MAGIX: variants seen among roughly 807,000 people sequenced by gnomAD.
MAGIX encodes PDZ domain-containing protein MAGIX.
Under a neutral mutation model 10.0 loss-of-function variants are expected in MAGIX, and 13 were observed. That is an observed-to-expected ratio of 1.30 (90% CI 0.84 to 2.06). The LOEUF is 2.06. Ranked by LOEUF, MAGIX falls within the 30% of genes most tolerant of loss-of-function variation. The probability of loss-of-function intolerance (pLI) is 0.00; values close to 1 mark genes in which losing one functional copy is unlikely to be tolerated. For synonymous variants in MAGIX, 108 were observed against 106.8 expected (o/e 1.01, Z -0.07); for missense variants, 235 against 245.2 (o/e 0.96, Z 0.28).
chrX:49,165,011 G>A (rs1557097373), exon 3 of MAGIX: 7 of 1,211,339 alleles, frequency 5.8e-6, no homozygotes, highest in Admixed American at 4.3e-5. Flanking sequence ...GGTGGGGGCC[G>A]GGATGTAGCT....
chrX:49,168,685 G>A (rs1557098766), downstream of MAGIX, among the ~76,000 whole-genome samples: 1 of 101,870 alleles, frequency 9.8e-6, no homozygotes, highest in Non-Finnish European at 2.0e-5. Flanking sequence ...ACTGAGGTGG[G>A]AGGATCACTT....
At chrX:49,166,008 C>T in intron 4 of MAGIX, 66 bp from the exon 6 acceptor site, 2 of 1,083,679 alleles carry the variant, frequency 1.8e-6, no homozygotes, top group Admixed American at 4.7e-5. Flanking sequence ...TTTGGGTTCT[C>T]CTGTCCATCC....
chrX:49,165,223 T>C, exon 4 of MAGIX: 2 of 1,185,219 alleles, frequency 1.7e-6, no homozygotes, highest in Non-Finnish European at 2.3e-6. Flanking sequence ...CAACGGAGAG[T>C]CAACGCAGGG....
intron 2 of MAGIX, chrX:49,164,348 C>T: frequency 3.0e-6 from 1 of 334,167 alleles, no homozygotes; most frequent in East Asian, 5.1e-5. Flanking sequence ...AGAGGGCGTG[C>T]TATGGAAGGT....
exon 5 of MAGIX, chrX:49,166,188 C>G: frequency 8.3e-7 from 1 of 1,211,197 alleles, no homozygotes; most frequent in Non-Finnish European, 1.1e-6. Flanking sequence ...CTCAAGAAGA[C>G]CCGGGGCAGC....
rs782539662 is a variant in MAGIX, at chrX:49,162,917, G to A, written c.-202+172G>A. The A allele has an allele frequency of 2.5e-3, 2,060 of 820,811 alleles. 71 individuals are homozygous for A. The African/African-American group carries it at 0.039, about 15-fold the overall frequency. 67.6% of individuals were successfully genotyped at this position (820,811 alleles called of 1,213,427 possible). ...GGAGCCGCGCACAGGGGACGCCGCG[G>A]ACCCTAGGGGGAGCAGAGGAGGTAC... On this transcript the variant is annotated intron_variant, in intron 1 of 4. Transcript: ENST00000616266.
exon 4 of MAGIX, chrX:49,165,351 A>G: frequency 8.6e-7 from 1 of 1,164,878 alleles, no homozygotes; most frequent in South Asian, 2.0e-5. Context: ...GAGAGCCCCG[A>G]AAAGGAGTTG....
At chrX:49,162,818 G>T in intron 1 of MAGIX, 1 of 628,273 alleles carries the variant, frequency 1.6e-6, no homozygotes, top group Non-Finnish European at 2.3e-6. Flanking sequence ...TGGGCGGGCC[G>T]CCAGGTGAGC....
chrX:49,165,895 GGGTCTCGGGAAAGGA>G (rs1396610205), intron 4 of MAGIX, 164 bp from the exon 6 acceptor site: 5 of 438,608 alleles, frequency 1.1e-5, no homozygotes, highest in African/African-American at 1.0e-4. Context: ...AGGAGGGGAG[GGGTCTCGGGAAAGGA>G]GGTGTCGGGG....
At chrX:49,165,703 G>A in intron 4 of MAGIX, 1 of 315,194 alleles carries the variant, frequency 3.2e-6, no homozygotes, top group Non-Finnish European at 5.5e-6. Flanking sequence ...GATCTTAGCC[G>A]GGGGAAAATG....
At chrX:49,166,077 C>G in exon 5 of MAGIX, 1 of 1,209,502 alleles carries the variant, frequency 8.3e-7, no homozygotes, top group East Asian at 3.0e-5. Context: ...TCCGTAGTCC[C>G]GTCATGGCCA....
At chrX:49,165,418 A>G in intron 4 of MAGIX, 57 bp downstream of exon 5, 1 of 1,031,357 alleles carries the variant, frequency 9.7e-7, no homozygotes, top group Non-Finnish European at 1.3e-6. Flanking sequence ...AGAGGTTCAC[A>G]GAGTGGAGAA....
Position 49,164,972 on chromosome X carries a change from G to A in MAGIX, c.212G>A (p.Arg71His), listed in dbSNP as rs187713478. 5,972 of 1,211,059 alleles carry A rather than the reference G, an allele frequency of 4.9e-3. 17 individuals carry two copies. Among genetic ancestry groups the A allele is most frequent in the Non-Finnish European group, 5.9e-3 (5,290 of 895,354 alleles). The change falls in exon 3 of 5, where the codon CGC becomes CAC. Residue 71 changes from arginine (R) to histidine (H), a missense_variant. By Grantham distance (29) the Arg-to-His change is conservative. Transcript: ENST00000616266. ...GGTCATTTCTCTGTGGAGCTGGTTC[G>A]CGGTTACGCAGGCTTTGGCCTCACC...
chrX:49,165,806 C>T, intron 4 of MAGIX: 1 of 372,335 alleles, frequency 2.7e-6, no homozygotes, highest in Non-Finnish European at 4.6e-6. Context: ...GAGGAGAGAG[C>T]AGGGGCTCCT....
At chrX:49,164,472 A>G in intron 2 of MAGIX, 2 of 465,080 alleles carry the variant, frequency 4.3e-6, no homozygotes, top group South Asian at 6.5e-5. Context: ...GATTATTCAC[A>G]TGGCTGAGCC....
At chrX:49,165,889 G>A (rs2065362635) in intron 4 of MAGIX, 185 bp from the exon 6 acceptor site, 1 of 441,509 alleles carries the variant, frequency 2.3e-6, no homozygotes, top group African/African-American at 2.5e-5. Flanking sequence ...GGATCCAGGA[G>A]GGGAGGGGTC....
chrX:49,165,874 G>A, intron 4 of MAGIX, 200 bp from the exon 6 acceptor site: 1 of 431,344 alleles, frequency 2.3e-6, no homozygotes, highest in Non-Finnish European at 4.1e-6. Flanking sequence ...TGAGGGGCAT[G>A]TTCTGGATCC....
chrX:49,163,864 C>T (rs1557096844), exon 2 of MAGIX: 1 of 1,040,475 alleles, frequency 9.6e-7, no homozygotes, highest in Non-Finnish European at 1.2e-6. Flanking sequence ...GCGGCGCGAG[C>T]TGCGGTCGAC....
At chrX:49,162,786 G>A in intron 1 of MAGIX, 2 of 453,060 alleles carry the variant, frequency 4.4e-6, no homozygotes, top group Admixed American at 5.4e-5. Context: ...CACGGGACCC[G>A]CCAGCTTCAG....
Sources: gnomAD v4.1 joint callset for allele counts (sites outside exome capture counted in the v4.1 genomes callset) on GRCh38, gnomAD v4.1.1 for gene constraint, MANE v1.5 for transcripts, NCBI Gene and HGNC (gene_info 2026-07-23, HGNC 2026-07-21) for gene names.